CELF2: variants seen among roughly 807,000 people sequenced by gnomAD.
The protein encoded by CELF2 is CUGBP Elav-like family member 2.
Under a neutral mutation model 62.6 loss-of-function variants are expected in CELF2, and 8 were observed. The observed-to-expected ratio is 0.13, with a 90% CI of 0.07 to 0.23. The LOEUF is 0.23. Among genes scored for constraint, CELF2 ranks in the 10% least tolerant of loss-of-function variants. The pLI is 1.00. For missense variants in CELF2, 333 were observed against 671.0 expected (o/e 0.50, Z 5.56); for synonymous variants, 258 against 250.0 (o/e 1.03, Z -0.30).
chr10:11,313,896 CA>C (rs1419468317), intron 9 of CELF2, among the ~76,000 whole-genome samples: 1 of 152,094 alleles, frequency 6.6e-6, no homozygotes, highest in Non-Finnish European at 1.5e-5. Flanking sequence ...CTCCCATTCG[CA>C]GATTTCCCCA....
the CELF2 span, among the ~76,000 whole-genome samples, chr10:10,517,714 C>T: frequency 1.3e-5 from 2 of 152,098 alleles, no homozygotes; most frequent in Non-Finnish European, 2.9e-5. Flanking sequence ...GAGACAGTAG[C>T]GATCAAGGTG....
At chr10:11,197,058 A>AAAGAAAGAAAAAGAAAGAAAG in intron 2 of CELF2, among the ~76,000 whole-genome samples, 1 of 71,956 alleles carries the variant, frequency 1.4e-5, no homozygotes, top group African/African-American at 5.8e-5. Context: ...AGAAAGAAAG[A>AAAGAAAGAAAAAGAAAGAAAG]AAAGAAAGAA....
the CELF2 span, among the ~76,000 whole-genome samples, chr10:10,550,492 T>G: frequency 2.0e-5 from 3 of 152,156 alleles, no homozygotes; most frequent in African/African-American, 7.2e-5. Context: ...TTACTGCAAG[T>G]TGACTGGCAA....
intron 1 of CELF2, among the ~76,000 whole-genome samples, chr10:11,064,342 A>G (rs2067528247): frequency 6.6e-6 from 1 of 151,900 alleles, no homozygotes; most frequent in Admixed American, 6.6e-5. Context: ...TCCCACCAGC[A>G]CTCCCTTCAG....
At chr10:10,514,589 A>G in the CELF2 span, among the ~76,000 whole-genome samples, 1 of 152,198 alleles carries the variant, frequency 6.6e-6, no homozygotes. Flanking sequence ...GCAGGAGCCT[A>G]CAGGATAAGC....
chr10:10,942,830 A>ATT (rs1012093083), intron 2 of CELF2, among the ~76,000 whole-genome samples: 4 of 152,216 alleles, frequency 2.6e-5, no homozygotes, highest in African/African-American at 9.6e-5. Flanking sequence ...ATTTGTGGTG[A>ATT]TGTGGATTAA....
chr10:11,099,881 C>CAAAAAAAA (rs1554835241), intron 1 of CELF2, among the ~76,000 whole-genome samples: 2 of 133,772 alleles, frequency 1.5e-5, no homozygotes, highest in African/African-American at 2.8e-5. Context: ...ACAACAACAA[C>CAAAAAAAA]AACAAAAAAA....
chr10:10,774,564 A>G, the CELF2 span, among the ~76,000 whole-genome samples: 1 of 152,186 alleles, frequency 6.6e-6, no homozygotes, highest in Non-Finnish European at 1.5e-5. Flanking sequence ...CGCTCCTGCC[A>G]TGTGAGATGT....
intron 1 of CELF2, among the ~76,000 whole-genome samples, chr10:10,870,695 T>A (rs1445589534): frequency 1.3e-5 from 2 of 152,192 alleles, no homozygotes; most frequent in Non-Finnish European, 2.9e-5. Context: ...CTTATTTCCA[T>A]TTTTAAAACC....
chr10:10,654,036 A>G, the CELF2 span, among the ~76,000 whole-genome samples: 1 of 150,786 alleles, frequency 6.6e-6, no homozygotes, highest in African/African-American at 2.4e-5. Flanking sequence ...TAAAGGGGAT[A>G]TCACCACTGA....
Position 11,098,666 on chromosome 10 carries a change from G to T in CELF2, c.75-66820G>T, listed in dbSNP as rs113131267. On this transcript the variant is annotated intron_variant, in intron 1 of 12. Transcript: ENST00000633077. The surrounding 1 kb of genome is among the most constrained non-coding windows in gnomAD (Gnocchi z 4.0). ...CATGATAAGTATAAATGTGTCATGA[G>T]CACACTGTTTTCTCTGTAGAAATAA... Among the ~76,000 whole-genome samples, 1,673 of 152,278 alleles carry T rather than the reference G, an allele frequency of 0.011. 39 individuals are homozygous for T. The highest frequency in any genetic ancestry group is 0.038 in the African/African-American group (1,576 of 41,528).
At chr10:11,123,233 G>C (rs2058093278) in intron 1 of CELF2, among the ~76,000 whole-genome samples, 1 of 151,890 alleles carries the variant, frequency 6.6e-6, no homozygotes, top group African/African-American at 2.4e-5. Flanking sequence ...TCTGAGTCAG[G>C]GTTTGTTTTT....
intron 1 of CELF2, among the ~76,000 whole-genome samples, chr10:11,142,917 TG>T (rs995287842): frequency 7.3e-5 from 11 of 151,640 alleles, no homozygotes; most frequent in Admixed American, 7.2e-4. Context: ...CTCCCTCCAC[TG>T]GGGTTACTCA....
chr10:10,938,418 C>A lies in CELF2; in HGVS notation c.89+18419C>A, dbSNP rs530639555. On this transcript the variant is annotated intron_variant, in intron 2 of 13. Coordinates refer to the CELF2 transcript ENST00000636488. This position sits in a 1 kb window ranked among gnomAD's most constrained non-coding sequence, Gnocchi z 4.2. Reference sequence around the variant, plus strand: ...TTTGGGCATCAGATGATAATTCTTTCAGAGAATATGCCTGGGTTTTTGTGT... The same window carrying A: ...TTTGGGCATCAGATGATAATTCTTTAAGAGAATATGCCTGGGTTTTTGTGT... Among the ~76,000 whole-genome samples the A allele has an allele frequency of 3.9e-5, 6 of 152,312 alleles. No individual in the cohort carries two copies. In the South Asian group the frequency reaches 1.0e-3, roughly 26 times the overall value.
At chr10:11,052,040 G>A (rs989474254) in intron 1 of CELF2, among the ~76,000 whole-genome samples, 1 of 151,828 alleles carries the variant, frequency 6.6e-6, no homozygotes, top group Non-Finnish European at 1.5e-5. Context: ...CAAGTGGCTG[G>A]GGCTACAGGT....
intron 2 of CELF2, among the ~76,000 whole-genome samples, chr10:10,985,488 AAC>A (rs1371393890): frequency 6.6e-6 from 1 of 152,184 alleles, no homozygotes; most frequent in African/African-American, 2.4e-5. Context: ...TAAGACACCC[AAC>A]ACAGACTATT....
At chr10:11,041,936 C>T (rs2061915465) in intron 1 of CELF2, among the ~76,000 whole-genome samples, 1 of 152,174 alleles carries the variant, frequency 6.6e-6, no homozygotes, top group African/African-American at 2.4e-5. Flanking sequence ...GTTCCATTGT[C>T]ATGTATGTGA....
chr10:11,270,541 A>T lies in CELF2; in HGVS notation c.619-125A>T. ...AGAAGAAGGAATATCAAACCGTTTT[A>T]AACCATTTCAGCCCATTCCATGTGC... On this transcript the variant is annotated intron_variant, in intron 6 of 12. Transcript: ENST00000633077. This position sits in a 1 kb window ranked among gnomAD's most constrained non-coding sequence, Gnocchi z 5.8. 1.3e-6 allele frequency: 1 copy of T among 790,228 alleles called. No homozygotes were observed. Among genetic ancestry groups the T allele is most frequent in the Non-Finnish European group, 1.8e-6 (1 of 543,338 alleles). The allele number at this position is 790,228 out of a possible 1,614,324, so 49.0% of individuals were successfully genotyped here.
chr10:11,165,686 C>T lies in CELF2; in HGVS notation c.271+4C>T. The T allele has an allele frequency of 6.2e-7, 1 of 1,609,496 alleles. No individual in the cohort carries two copies. Among genetic ancestry groups the T allele is most frequent in the Non-Finnish European group, 8.5e-7 (1 of 1,177,742 alleles). ...CAGAACCCTCCGCAGAGTAAAGGTACAGAGCGCGGGGCGGGGGTCGCCAGG... is the reference window on the plus strand; with the variant it reads ...CAGAACCCTCCGCAGAGTAAAGGTATAGAGCGCGGGGCGGGGGTCGCCAGG... On this transcript the variant is annotated splice_donor_region_variant and intron_variant, in intron 2 of 12. Coordinates refer to ENST00000633077, the MANE Select transcript of CELF2 (RefSeq NM_001326342.2). This position sits in a 1 kb window ranked among gnomAD's most constrained non-coding sequence, Gnocchi z 7.4.
Sources: gnomAD v4.1 joint callset for allele counts (sites outside exome capture counted in the v4.1 genomes callset) on GRCh38, gnomAD v4.1.1 for gene constraint, Gnocchi (gnomAD v3.1) non-coding constraint, MANE v1.5 for transcripts, NCBI Gene and HGNC (gene_info 2026-07-23, HGNC 2026-07-21) for gene names.